Variants in SORL1 observed in about 807,000 individuals in gnomAD.
The protein encoded by SORL1 is sortilin-related receptor.
A neutral mutation model predicts 273.7 loss-of-function variants in SORL1; 127 were observed. The ratio of observed to expected loss-of-function variants is 0.46; its 90% CI spans 0.40 to 0.54. SORL1 has a LOEUF of 0.54. Among genes scored for constraint, SORL1 ranks in the 20% least tolerant of loss-of-function variants. The probability of loss-of-function intolerance (pLI) is 0.00; values close to 1 mark genes in which losing one functional copy is unlikely to be tolerated. For synonymous variants in SORL1, 1,031 were observed against 1,067.4 expected (o/e 0.97, Z 0.66); for missense variants, 2,494 against 2,846.1 (o/e 0.88, Z 2.81).
rs1302597540 is a variant in SORL1 at position 121,475,626 on chromosome 11, A to G, written c.403-2492A>G. Among the ~76,000 whole-genome samples the G allele has an allele frequency of 3.3e-5, 5 of 152,318 alleles. No homozygotes were observed. In the East Asian group the frequency reaches 7.7e-4, roughly 24 times the overall value. ...CCAGTGCTTGGCCTGTAGACTTGGT[A>G]TAAGACCTTCCTACTTAGCAGAGAA... On this transcript the variant is annotated intron_variant, in intron 2 of 47. Coordinates refer to ENST00000260197, the MANE Select transcript of SORL1 (RefSeq NM_003105.6).
At chr11:121,530,407 T>A (rs937034184) in intron 11 of SORL1, among the ~76,000 whole-genome samples, 4 of 152,194 alleles carry the variant, frequency 2.6e-5, no homozygotes, top group Non-Finnish European at 5.9e-5. Context: ...AAGGATATGT[T>A]TATTGGATAG....
chr11:121,532,125 A>T (rs1030172392), intron 11 of SORL1, among the ~76,000 whole-genome samples: 1 of 152,210 alleles, frequency 6.6e-6, no homozygotes, highest in African/African-American at 2.4e-5. Flanking sequence ...CTGAAACCCC[A>T]GTTACTTAAT....
rs761415185 is a variant in SORL1 at position 121,514,193 on chromosome 11, G to T, written c.1083G>T (p.Val361=). ...ATGCCTCCGAGGACCAGGTGTTTGTGTGTGTCAGCCACAGTAACAACCGCA... is the reference window on the plus strand; with the variant it reads ...ATGCCTCCGAGGACCAGGTGTTTGTTTGTGTCAGCCACAGTAACAACCGCA... ...IADASEDQVF[V]CVSHSNNRTN... is the part of the protein sequence containing the mutation. The change falls in exon 8 of 48, where the codon GTG becomes GTT. Residue 361 remains valine (V), a synonymous_variant. Coordinates refer to ENST00000260197, the MANE Select transcript of SORL1 (RefSeq NM_003105.6). 9 of 1,614,044 alleles carry T rather than the reference G, an allele frequency of 5.6e-6. No individual in the cohort carries two copies. Among genetic ancestry groups the T allele is most frequent in the Non-Finnish European group, 7.6e-6 (9 of 1,180,026 alleles).
Position 121,539,790 on chromosome 11 carries a change from A to T in SORL1, c.1686-3758A>T, listed in dbSNP as rs989736337. Among the ~76,000 whole-genome samples, 3 of 152,218 alleles carry T rather than the reference A, an allele frequency of 2.0e-5. No individual in the cohort carries two copies. In the South Asian group the frequency reaches 6.2e-4, roughly 31 times the overall value. ...TAGGAAGAACTGGGTGATGGTTTTC[A>T]TAAATGAATGAATGAATGAACGAAT... On this transcript the variant is annotated intron_variant, in intron 12 of 47. Coordinates refer to ENST00000260197, the MANE Select transcript of SORL1 (RefSeq NM_003105.6).
At chr11:121,617,266 A>G (rs1489795737) in intron 41 of SORL1, among the ~76,000 whole-genome samples, 2 of 152,242 alleles carry the variant, frequency 1.3e-5, no homozygotes, top group Non-Finnish European at 2.9e-5. Context: ...ACAGATGCGA[A>G]GGTTCCCCCA....
chr11:121,457,208 G>A (rs116947130), intron 1 of SORL1, among the ~76,000 whole-genome samples: 1,898 of 152,230 alleles, frequency 0.012, 17 homozygotes, highest in Non-Finnish European at 0.02. Context: ...GGCTTTGCGA[G>A]GGGGAAGGAA....
At chr11:121,529,201 T>C (rs1299963793) in intron 11 of SORL1, among the ~76,000 whole-genome samples, 5 of 152,204 alleles carry the variant, frequency 3.3e-5, no homozygotes, top group Non-Finnish European at 1.5e-5. Context: ...TGTAGCCTTC[T>C]TCTGTTTACT....
intron 28 of SORL1, among the ~76,000 whole-genome samples, chr11:121,588,797 T>G (rs1863161398): frequency 6.6e-6 from 1 of 152,162 alleles, no homozygotes; most frequent in Non-Finnish European, 1.5e-5. Flanking sequence ...GAGGCCTCTC[T>G]CCCTGGCCTC....
intron 2 of SORL1, among the ~76,000 whole-genome samples, chr11:121,473,860 A>C (rs1408689261): frequency 6.6e-6 from 1 of 152,036 alleles, no homozygotes; most frequent in African/African-American, 2.4e-5. Context: ...GTGCCACTGC[A>C]CTCCAGGCTG....
chr11:121,519,683 G>A (rs983109245), intron 8 of SORL1, among the ~76,000 whole-genome samples: 4 of 152,346 alleles, frequency 2.6e-5, no homozygotes, highest in African/African-American at 7.2e-5. Context: ...AGTACCTGGA[G>A]AGGGGCTGTG....
At chr11:121,509,780 T>C (rs894855164) in intron 6 of SORL1, among the ~76,000 whole-genome samples, 8 of 152,340 alleles carry the variant, frequency 5.3e-5, no homozygotes, top group African/African-American at 1.7e-4. Flanking sequence ...CAGCAGAATT[T>C]ATTTTTAGTT....
intron 25 of SORL1, among the ~76,000 whole-genome samples, chr11:121,578,904 C>T (rs1029632119): frequency 2.0e-5 from 3 of 152,168 alleles, no homozygotes; most frequent in Admixed American, 1.3e-4. Flanking sequence ...GAGGAAGAAC[C>T]GAGGCCCATA....
rs1025700218 is a variant in SORL1, at chr11:121,550,635, G to A, written c.2231G>A (p.Arg744Gln). 6.2e-6 allele frequency: 10 copies of A among 1,614,138 alleles called. No individual in the cohort carries two copies. The highest frequency in any genetic ancestry group is 1.7e-5 in the Admixed American group (1 of 60,012). Residue 744 changes from arginine (R) to glutamine (Q), a missense_variant, in exon 16 of 48, where the codon CGA becomes CAA. Arg to Gln is a conservative substitution (Grantham distance 43). Around this residue, in one of 3 missense-constraint regions of SORL1, gnomAD observed 710 missense variants for 882.5 expected, o/e 0.80. Transcript: ENST00000260197. This position sits in a 1 kb window ranked among gnomAD's most constrained non-coding sequence, Gnocchi z 5.3. ...TGTAGCGGAGGAGATGTTGAAGCGC[G>A]ACTGGAAGGAGAGCTGGTCCCCTGT... Reference protein sequence around the residue: ...DTCSGGDVEARLEGELVPCPL... With the variant: ...DTCSGGDVEAQLEGELVPCPL...
rs11218338 is a variant in SORL1 at position 121,553,010 on chromosome 11, G to T, written c.2267-927G>T. Among the ~76,000 whole-genome samples the T allele has an allele frequency of 6.6e-4, 101 of 152,326 alleles. No individual in the cohort carries two copies. The East Asian group carries it at 0.016, about 24-fold the overall frequency. ...TGGGTCTTCCTATTTCCAGTTGTCTGACATTAGGTAAGTATCTTCAGCACT... is the reference window on the plus strand; with the variant it reads ...TGGGTCTTCCTATTTCCAGTTGTCTTACATTAGGTAAGTATCTTCAGCACT... On this transcript the variant is annotated intron_variant, in intron 16 of 47. Transcript: ENST00000260197.
At chr11:121,466,924 G>A (rs1403497096) in intron 1 of SORL1, among the ~76,000 whole-genome samples, 1 of 151,678 alleles carries the variant, frequency 6.6e-6, no homozygotes, top group East Asian at 1.9e-4. Flanking sequence ...GAGTAAAAGG[G>A]ACATCTAATA....
chr11:121,466,942 C>G (rs1171504356), intron 1 of SORL1, among the ~76,000 whole-genome samples: 1 of 151,546 alleles, frequency 6.6e-6, no homozygotes, highest in Non-Finnish European at 1.5e-5. Context: ...ATAAAAAAAG[C>G]TTTCCTTAAA....
At position 121,579,355 on chromosome 11, in the gene SORL1, A is replaced by G. The variant is rs559098913; in HGVS notation, c.3580+1955A>G. Among the ~76,000 whole-genome samples, 8 of 152,306 alleles carry G rather than the reference A, an allele frequency of 5.3e-5. No individual in the cohort carries two copies. The South Asian group carries it at 1.7e-3, about 32-fold the overall frequency. On this transcript the variant is annotated intron_variant, in intron 25 of 47. Transcript: ENST00000260197. ...ATGACACCTCATTTTCAGACCTACT[A>G]AATTAAGCTGCGTACAGTGCCAAAA...
intron 5 of SORL1, among the ~76,000 whole-genome samples, chr11:121,495,100 T>TG (rs796263903): frequency 6.6e-6 from 1 of 152,198 alleles, no homozygotes; most frequent in African/African-American, 2.4e-5. Context: ...CTTTGTTTTT[T>TG]CAAGACAGGG....
In SORL1 at chr11:121,605,571, T is replaced by G. The variant is rs1362780539; in HGVS notation, c.4948T>G (p.Leu1650Val). The G allele has an allele frequency of 6.2e-7, 1 of 1,610,214 alleles. No individual in the cohort carries two copies. Among genetic ancestry groups the G allele is most frequent in the Non-Finnish European group, 8.5e-7 (1 of 1,176,966 alleles). ...DFVTLRTPEG[L>V]PDAPRNLQLS... ...TGTGACCCTGAGGACCCCAGAGGGA[T>G]GTAAGTGTTTCAGTTAATTTTTATG... Residue 1650 changes from leucine to valine, a missense_variant and splice_region_variant, in exon 35 of 48, where the codon TTG (leucine) becomes GTG (valine). Transcript: ENST00000260197.
Sources: allele counts gnomAD v4.1 joint callset (sites outside exome capture counted in the v4.1 genomes callset), GRCh38; gene constraint gnomAD v4.1.1; regional missense constraint gnomAD v4.1.1; non-coding constraint Gnocchi (gnomAD v3.1); transcripts MANE v1.5; gene names NCBI Gene and HGNC (gene_info 2026-07-23, HGNC 2026-07-21).